Variants in KALRN observed in about 807,000 individuals in gnomAD.
KALRN encodes kalirin.
KALRN carries 70 observed loss-of-function variants against 353.7 expected under a neutral mutation model. The observed-to-expected ratio is 0.20, with a 90% confidence interval of 0.16 to 0.24. The LOEUF (loss-of-function observed/expected upper bound fraction) is 0.24. Ranked by LOEUF, KALRN falls within the 10% of genes least tolerant of loss-of-function variation. KALRN has a pLI of 1.00. For synonymous variants in KALRN, 1,391 were observed against 1,434.8 expected (o/e 0.97, Z 0.69); for missense variants, 2,791 against 3,756.7 (o/e 0.74, Z 6.72).
intron 1 of KALRN, among the ~76,000 whole-genome samples, chr3:124,039,315 T>C (rs762546973): frequency 6.6e-6 from 1 of 152,240 alleles, no homozygotes; most frequent in Non-Finnish European, 1.5e-5. Context: ...CCCTTTGAAT[T>C]ACTCACTGTC....
intron 10 of KALRN, among the ~76,000 whole-genome samples, chr3:124,355,253 T>C: frequency 6.6e-6 from 1 of 152,236 alleles, no homozygotes; most frequent in East Asian, 1.9e-4. Context: ...TAAAGGCTTT[T>C]GAGTGATAAT....
At chr3:124,392,536 CT>C (rs997681932) in intron 11 of KALRN, among the ~76,000 whole-genome samples, 52 of 130,914 alleles carry the variant, frequency 4.0e-4, no homozygotes, top group Non-Finnish European at 5.3e-4. Flanking sequence ...GGATTTGAAA[CT>C]TTTTTTTTTT....
intron 21 of KALRN, among the ~76,000 whole-genome samples, chr3:124,454,873 A>G (rs1343880193): frequency 1.3e-5 from 2 of 152,240 alleles, no homozygotes; most frequent in African/African-American, 4.8e-5. Context: ...ACCATGTTAT[A>G]TAAGGAACTT....
At chr3:124,339,343 A>G (rs948281036) in intron 9 of KALRN, among the ~76,000 whole-genome samples, 1 of 152,072 alleles carries the variant, frequency 6.6e-6, no homozygotes, top group African/African-American at 2.4e-5. Flanking sequence ...AGGTGACAGG[A>G]TTGCAGCTCT....
At chr3:124,501,211 T>C (rs2064486400) in intron 33 of KALRN, among the ~76,000 whole-genome samples, 1 of 152,210 alleles carries the variant, frequency 6.6e-6, no homozygotes. Context: ...TTGCTGGTAC[T>C]CTTCTCTGAA....
intron 1 of KALRN, among the ~76,000 whole-genome samples, chr3:124,091,439 T>C (rs1218624874): frequency 6.6e-6 from 1 of 152,142 alleles, no homozygotes; most frequent in Non-Finnish European, 1.5e-5. Context: ...TATGGTTGGA[T>C]CTCTCCTCCC....
chr3:124,284,542 G>A (rs1258770545), intron 5 of KALRN, among the ~76,000 whole-genome samples: 1 of 152,156 alleles, frequency 6.6e-6, no homozygotes. Flanking sequence ...CTCCTCTACT[G>A]TCAGCCCACA....
rs190618005 is a variant in KALRN, at chr3:124,198,061, A to G, written c.74-29929A>G. Among the ~76,000 whole-genome samples, 4 of 152,348 alleles carry G rather than the reference A, an allele frequency of 2.6e-5. No homozygotes were observed. In the East Asian group the frequency reaches 5.8e-4, roughly 22 times the overall value. On this transcript the variant is annotated intron_variant, in intron 1 of 59. Transcript: ENST00000682506. ...TTTATACAGACCCAGAGAGACAGAC[A>G]TATAACAATGAGGTATTACTTCTCT... is the stretch of plus-strand genomic sequence containing the variant.
At chr3:124,273,022 A>G (rs2148960500) in intron 5 of KALRN, among the ~76,000 whole-genome samples, 1 of 152,356 alleles carries the variant, frequency 6.6e-6, no homozygotes, top group Non-Finnish European at 1.5e-5. Context: ...CTTGGCAATC[A>G]GAGGAGTCTG....
intron 1 of KALRN, among the ~76,000 whole-genome samples, chr3:124,221,223 G>A (rs1361106343): frequency 2.0e-5 from 3 of 152,140 alleles, no homozygotes; most frequent in Non-Finnish European, 4.4e-5. Context: ...CTCTGCCTTG[G>A]CATGTACTGC....
chr3:124,652,018 G>T (rs372791846), intron 38 of KALRN, among the ~76,000 whole-genome samples: 4 of 152,294 alleles, frequency 2.6e-5, no homozygotes, highest in East Asian at 3.9e-4. Flanking sequence ...CTCAGCATGT[G>T]AGAGATTATA....
intron 6 of KALRN, among the ~76,000 whole-genome samples, chr3:124,310,732 C>T (rs60066676): frequency 0.013 from 1,960 of 152,032 alleles, 48 homozygotes; most frequent in African/African-American, 0.043. Context: ...GATGTTGGAC[C>T]CTTACCTTAC....
At chr3:124,503,287 T>C (rs972171594) in intron 33 of KALRN, among the ~76,000 whole-genome samples, 2 of 152,248 alleles carry the variant, frequency 1.3e-5, no homozygotes, top group South Asian at 2.1e-4. Flanking sequence ...CTTTATAATA[T>C]AGCTGCGTAA....
intron 5 of KALRN, among the ~76,000 whole-genome samples, chr3:124,270,832 T>TTTG (rs1560420996): frequency 4.1e-5 from 6 of 147,414 alleles, no homozygotes; most frequent in African/African-American, 1.5e-4. Context: ...TTGTTTTTTT[T>TTTG]TTTTTTTTTT....
intron 22 of KALRN, 25 bp from the exon 23 acceptor site, chr3:124,456,585 A>AC: frequency 2.0e-6 from 3 of 1,525,894 alleles, no homozygotes; most frequent in Non-Finnish European, 2.7e-6. Context: ...TCACAAGGTG[A>AC]CCTTTGTGAT....
intron 32 of KALRN, among the ~76,000 whole-genome samples, chr3:124,496,024 T>TATACATAC (rs2063803898): frequency 8.8e-6 from 1 of 113,664 alleles, no homozygotes; most frequent in Admixed American, 9.5e-5. Flanking sequence ...CACACACATA[T>TATACATAC]ATACATACAT....
At chr3:124,463,157 C>G (rs1383716645) in intron 25 of KALRN, among the ~76,000 whole-genome samples, 2 of 152,184 alleles carry the variant, frequency 1.3e-5, no homozygotes, top group South Asian at 4.1e-4. Flanking sequence ...GTCATTGTTT[C>G]CAACTTGATT....
intron 1 of KALRN, among the ~76,000 whole-genome samples, chr3:124,035,302 G>T (rs1294215528): frequency 6.6e-6 from 1 of 152,150 alleles, no homozygotes; most frequent in East Asian, 1.9e-4. Context: ...CTAGGGAAAA[G>T]GTGGTTCTGG....
chr3:124,069,816 G>A (rs189496012), intron 1 of KALRN, among the ~76,000 whole-genome samples: 1 of 152,266 alleles, frequency 6.6e-6, no homozygotes, highest in African/African-American at 2.4e-5. Flanking sequence ...TTTGCCTGGG[G>A]GAGTTAGGGA....
Sources: allele counts gnomAD v4.1 joint callset (sites outside exome capture counted in the v4.1 genomes callset), GRCh38; gene constraint gnomAD v4.1.1; transcripts MANE v1.5; gene names NCBI Gene and HGNC (gene_info 2026-07-23, HGNC 2026-07-21).